The following CNPPD1 variants were observed in gnomAD, a reference collection of about 807,000 sequenced individuals.
CNPPD1 encodes protein CNPPD1.
Under a neutral mutation model 43.7 loss-of-function variants are expected in CNPPD1, and 40 were observed. The ratio of observed to expected loss-of-function variants is 0.92; its 90% CI spans 0.71 to 1.19. The LOEUF (loss-of-function observed/expected upper bound fraction) is 1.19, where lower values mean the gene tolerates loss of function less well. Among genes scored for constraint, CNPPD1 ranks in the 50% most tolerant of loss-of-function variants. The pLI, the probability that CNPPD1 is intolerant of heterozygous loss-of-function variation, is 0.00. For missense variants in CNPPD1, 511 were observed against 518.5 expected (o/e 0.99, Z 0.14); for synonymous variants, 208 against 214.3 (o/e 0.97, Z 0.26).
chr2:219,176,230 C>G lies in CNPPD1; in HGVS notation c.171G>C (p.Pro57=), dbSNP rs1950156187. The G allele has an allele frequency of 6.2e-7, 1 of 1,612,060 alleles. No homozygotes were observed. Among genetic ancestry groups the G allele is most frequent in the Non-Finnish European group, 8.5e-7 (1 of 1,178,072 alleles). The stretch of plus-strand genomic sequence containing the variant: ...CACACAACACTGCCTAACCTGCCAC[C>G]GGGCTGGAGAGCTCCTCCAGGCTAC... The part of the protein sequence containing the change: ...ADCSLEELSS[P]VADIAVELLQ... Residue 57 remains proline, a synonymous_variant, in exon 2 of 8, where the codon CCG becomes CCC. Transcript: ENST00000360507.
At chr2:219,178,071 C>G (rs1303045188), upstream of CNPPD1, 1 of 206,180 alleles carries the variant, frequency 4.9e-6, no homozygotes, top group Non-Finnish European at 9.6e-6. Flanking sequence ...ACTGCCTGGA[C>G]CTAGACCCGG....
At chr2:219,177,039 T>C (rs1950183464), upstream of CNPPD1, 3 of 467,108 alleles carry the variant, frequency 6.4e-6, no homozygotes, top group Admixed American at 1.3e-4. Context: ...CGCCCCGGGC[T>C]TGGCGCGGCG....
At chr2:219,175,722 A>G in intron 2 of CNPPD1, 50 bp from the exon 3 acceptor site, 1 of 1,488,244 alleles carries the variant, frequency 6.7e-7, no homozygotes, top group Non-Finnish European at 9.4e-7. Context: ...ACCCACACCC[A>G]ACACACCAGT....
In CNPPD1 at chr2:219,175,417, A is replaced by G. The variant is rs540455869; in HGVS notation, c.260+174T>C. 6.6e-5 allele frequency among the ~76,000 whole-genome samples: 10 copies of G among 152,114 alleles called. No homozygotes were observed. The East Asian group carries it at 1.9e-3, about 29-fold the overall frequency. On this transcript the variant is annotated intron_variant, in intron 3 of 7. Coordinates refer to ENST00000360507, the MANE Select transcript of CNPPD1 (RefSeq NM_015680.6). ...GAGGCTGAGGCACAAGAATCACTGG[A>G]ACCCAGGAGGCGGAGGTTGCGGTGA...
Position 219,172,259 on chromosome 2 carries a change from C to T in CNPPD1, c.*327G>A. On this transcript the variant is annotated 3_prime_UTR_variant, in exon 8 of 8. Transcript: ENST00000360507. Reference sequence around the variant, plus strand: ...CCACTTCCCTTATCTCCCACCTATACTCTTCCATCCTAGGGAAATCAAAAG... The same window carrying T: ...CCACTTCCCTTATCTCCCACCTATATTCTTCCATCCTAGGGAAATCAAAAG... 1 of 385,988 alleles carries T rather than the reference C, an allele frequency of 2.6e-6. No homozygotes were observed. The highest frequency in any genetic ancestry group is 2.1e-5 in the African/African-American group (1 of 48,168). The allele number at this position is 385,988 out of a possible 1,614,324, so 23.9% of individuals were successfully genotyped here.
rs144595204 is a variant in CNPPD1, at chr2:219,174,018, C to G, written c.572+128G>C. Reference sequence around the variant, plus strand: ...AGAGGACAGATGGGTCTGGGAACCACTATCTGGGCAATTCTCTTTCTTGTC... The same window carrying G: ...AGAGGACAGATGGGTCTGGGAACCAGTATCTGGGCAATTCTCTTTCTTGTC... On this transcript the variant is annotated intron_variant, in intron 6 of 7. Coordinates refer to ENST00000360507, the MANE Select transcript of CNPPD1 (RefSeq NM_015680.6). 4.9e-4 allele frequency: 440 copies of G among 903,218 alleles called. 1 individual carries two copies. In the African/African-American group the frequency reaches 5.8e-3, roughly 12 times the overall value. The allele number at this position is 903,218 out of a possible 1,614,324, so 56.0% of individuals were successfully genotyped here. A position where few individuals can be genotyped will look rare whatever the true frequency, so the allele number is the denominator to read the frequency against.
upstream of CNPPD1, chr2:219,176,946 C>G (rs866423224): frequency 2.4e-6 from 2 of 819,330 alleles, no homozygotes; most frequent in South Asian, 3.6e-5. Context: ...GGCGGGCCGC[C>G]GTCCTCGCCC....
In CNPPD1 at chr2:219,175,610, A is replaced by G; in HGVS notation, c.241T>C (p.Tyr81His). ...GCTCACCGGGACACATGAGCTACAT[A>G]TTTCTTCTGGAGTCGGCGAATAGGG... is the stretch of plus-strand genomic sequence containing the variant. ...PSPIRRLQKK[Y>H]VAHVSREACI... The change falls in exon 3 of 8, where the codon TAT becomes CAT. Residue 81 changes from tyrosine to histidine, a missense_variant. Coordinates refer to ENST00000360507, the MANE Select transcript of CNPPD1 (RefSeq NM_015680.6). The G allele has an allele frequency of 6.2e-7, 1 of 1,613,884 alleles. No homozygotes were observed. The highest frequency in any genetic ancestry group is 1.7e-5 in the Admixed American group (1 of 60,016).
At chr2:219,176,354 G>C in intron 1 of CNPPD1, 23 bp from the exon 2 acceptor site, 1 of 1,543,488 alleles carries the variant, frequency 6.5e-7, no homozygotes, top group South Asian at 1.1e-5. Flanking sequence ...AGGGGCAGCG[G>C]AGGGTGAAGG....
intron 3 of CNPPD1, 42 bp from the exon 4 acceptor site, chr2:219,175,150 T>C: frequency 6.5e-7 from 1 of 1,534,160 alleles, no homozygotes; most frequent in Non-Finnish European, 8.7e-7. Flanking sequence ...CAAGGGTCCT[T>C]CAGCTCTTGC....
At chr2:219,173,196 T>C in intron 7 of CNPPD1, 68 bp from the exon 8 acceptor site, 3 of 1,494,582 alleles carry the variant, frequency 2.0e-6, no homozygotes, top group Non-Finnish European at 1.8e-6. Context: ...TCTAGAAATC[T>C]GTGTTCCAGT....
chr2:219,174,699 G>A (rs1189083085), intron 5 of CNPPD1, 79 bp downstream of exon 5: 2 of 1,504,176 alleles, frequency 1.3e-6, no homozygotes, highest in Non-Finnish European at 8.9e-7. Flanking sequence ...ACCAACAGAA[G>A]ACTGAGAGAG....
chr2:219,174,673 G>A (rs554069671), intron 5 of CNPPD1, 105 bp downstream of exon 5: 35 of 1,448,096 alleles, frequency 2.4e-5, no homozygotes, highest in Admixed American at 1.4e-4. Flanking sequence ...GAGGAGGACA[G>A]GAAGAGAAAT....
At chr2:219,175,492 C>T in intron 3 of CNPPD1, 99 bp downstream of exon 3, 1 of 1,104,952 alleles carries the variant, frequency 9.1e-7, no homozygotes, top group Non-Finnish European at 1.3e-6. Context: ...GTGAGACTGT[C>T]TCAAAAAAAA....
chr2:219,176,317 G>A lies in CNPPD1; in HGVS notation c.84C>T (p.His28=). 1 of 1,613,960 alleles carries A rather than the reference G, an allele frequency of 6.2e-7. No individual in the cohort carries two copies. Among genetic ancestry groups the A allele is most frequent in the Non-Finnish European group, 8.5e-7 (1 of 1,179,828 alleles). ...TTCGGATCCGGGCACTCAGCTTCTGGTGTCCTGGGAGGAACTGAAACAGGG... is the reference window on the plus strand; with the variant it reads ...TTCGGATCCGGGCACTCAGCTTCTGATGTCCTGGGAGGAACTGAAACAGGG... The part of the protein sequence containing the change: ...GFQDFTFLPG[H]QKLSARIRRR... The change falls in exon 2 of 8, where the codon CAC becomes CAT. Residue 28 remains histidine, a synonymous_variant. Transcript: ENST00000360507.
chr2:219,174,094 G>A, intron 6 of CNPPD1, 52 bp downstream of exon 6: 2 of 1,551,652 alleles, frequency 1.3e-6, no homozygotes, highest in Non-Finnish European at 1.8e-6. Context: ...CTATGGCTGA[G>A]GACTCAGCCC....
At position 219,175,660 on chromosome 2, in the gene CNPPD1, T is replaced by C; in HGVS notation, c.191A>G (p.Glu64Gly). 1 of 1,614,006 alleles carries C rather than the reference T, an allele frequency of 6.2e-7. No homozygotes were observed. Among genetic ancestry groups the C allele is most frequent in the Admixed American group, 1.7e-5 (1 of 60,018 alleles). ...LSSPVADIAVELLQKAAPSPI... is the reference protein window; with the variant it reads ...LSSPVADIAVGLLQKAAPSPI... ...GCTGGGGGCTGCCTTCTGGAGCAGT[T>C]CGACAGCAATGTCTGCAAGGGACAG... The change falls in exon 3 of 8, where the codon GAA becomes GGA. Residue 64 changes from glutamate to glycine, a missense_variant. Coordinates refer to ENST00000360507, the MANE Select transcript of CNPPD1 (RefSeq NM_015680.6).
chr2:219,176,142 G>A (rs1169253693), intron 2 of CNPPD1, 81 bp downstream of exon 2: 5 of 1,029,960 alleles, frequency 4.9e-6, no homozygotes, highest in South Asian at 1.3e-5. Flanking sequence ...TAGCCACGGG[G>A]CAAACCTCGA....
chr2:219,174,296 C>T (rs1950123623), intron 5 of CNPPD1, 89 bp from the exon 6 acceptor site: 4 of 1,301,090 alleles, frequency 3.1e-6, no homozygotes, highest in Non-Finnish European at 4.5e-6. Flanking sequence ...TACAACCGCC[C>T]CTATGGCTAA....
Sources: allele counts gnomAD v4.1 joint callset (sites outside exome capture counted in the v4.1 genomes callset), GRCh38; gene constraint gnomAD v4.1.1; transcripts MANE v1.5; gene names NCBI Gene and HGNC (gene_info 2026-07-23, HGNC 2026-07-21).